The following RREB1 variants were observed in gnomAD, a reference collection of about 807,000 sequenced individuals.
The protein encoded by RREB1 is ras-responsive element-binding protein 1.
RREB1 carries 27 observed loss-of-function variants against 117.8 expected under a neutral mutation model. The observed-to-expected ratio is 0.23, with a 90% CI of 0.17 to 0.32. The LOEUF is 0.32. RREB1 is among the 10% of genes least tolerant of loss of function. The probability of loss-of-function intolerance (pLI) is 1.00; values close to 1 mark genes in which losing one functional copy is unlikely to be tolerated. For missense variants in RREB1, 2,577 were observed against 2,378.2 expected (o/e 1.08, Z -1.74); for synonymous variants, 1,298 against 1,026.7 (o/e 1.26, Z -5.05).
chr6:7,241,064 G>A (rs1378184757), intron 11 of RREB1, among the ~76,000 whole-genome samples: 2 of 152,158 alleles, frequency 1.3e-5, no homozygotes, highest in African/African-American at 4.8e-5. Flanking sequence ...GGAACGAGGG[G>A]TGCGGTGTTC....
intron 6 of RREB1, among the ~76,000 whole-genome samples, chr6:7,197,046 C>T (rs921931288): frequency 7.9e-5 from 12 of 152,150 alleles, no homozygotes; most frequent in Non-Finnish European, 1.8e-4. Flanking sequence ...AGCCAGAGCA[C>T]GCCTCTGGGA....
intron 1 of RREB1, among the ~76,000 whole-genome samples, chr6:7,120,813 A>ATTTTT (rs754044532): frequency 9.1e-6 from 1 of 109,658 alleles, no homozygotes; most frequent in South Asian, 2.9e-4. Context: ...CGCTTGGCTA[A>ATTTTT]TTTTTTTTTT....
At chr6:7,138,790 CT>C (rs1354356635) in intron 1 of RREB1, among the ~76,000 whole-genome samples, 7 of 152,294 alleles carry the variant, frequency 4.6e-5, no homozygotes, top group Middle Eastern at 3.4e-3. Flanking sequence ...TTAGATGACA[CT>C]TTTTTTGTTT....
chr6:7,122,564 C>T (rs1381651822), intron 1 of RREB1, among the ~76,000 whole-genome samples: 1 of 152,238 alleles, frequency 6.6e-6, no homozygotes, highest in Non-Finnish European at 1.5e-5. Context: ...CCGCGCCTGG[C>T]CCAGCCCTGT....
rs752392503 is a variant in RREB1 at position 7,246,553 on chromosome 6, A to C, written c.4103A>C (p.Gln1368Pro). 2 of 1,548,496 alleles carry C rather than the reference A, an allele frequency of 1.3e-6. No individual in the cohort carries two copies. The highest frequency in any genetic ancestry group is 1.4e-5 in the African/African-American group (1 of 73,346). Residue 1368 changes from glutamine (Q) to proline (P), a missense_variant, in exon 12 of 13, where the codon CAG becomes CCG. Coordinates refer to ENST00000379938, the MANE Select transcript of RREB1 (RefSeq NM_001003699.4). The stretch of plus-strand genomic sequence containing the variant: ...GTCGCAGGGGATGCGCCTGTGGAGC[A>C]GGCCACGGCGGAAACGGCCTCGCCG... Reference protein sequence around the residue: ...RQVAGDAPVEQATAETASPVH... With the variant: ...RQVAGDAPVEPATAETASPVH...
intron 7 of RREB1, 63 bp downstream of exon 7, chr6:7,211,011 T>C (rs1766555153): frequency 6.7e-7 from 1 of 1,503,704 alleles, no homozygotes; most frequent in Middle Eastern, 1.9e-4. Context: ...ATACCACTAA[T>C]CTTTATTTTC....
intron 1 of RREB1, among the ~76,000 whole-genome samples, chr6:7,110,439 A>C (rs1427565663): frequency 6.6e-6 from 1 of 152,042 alleles, no homozygotes; most frequent in Non-Finnish European, 1.5e-5. Context: ...GCTACTCTAC[A>C]AGTAATTTAT....
intron 1 of RREB1, among the ~76,000 whole-genome samples, chr6:7,128,963 C>T (rs190366358): frequency 5.9e-4 from 90 of 151,966 alleles, no homozygotes; most frequent in Non-Finnish European, 7.9e-4. Flanking sequence ...AGTGAGACTC[C>T]GTCTCAAAAA....
At chr6:7,133,612 G>A (rs915608725) in intron 1 of RREB1, among the ~76,000 whole-genome samples, 1 of 151,824 alleles carries the variant, frequency 6.6e-6, no homozygotes, top group Non-Finnish European at 1.5e-5. Context: ...ATAATAAGAA[G>A]GAATATGAAG....
At chr6:7,159,455 G>A (rs532602680) in intron 1 of RREB1, among the ~76,000 whole-genome samples, 4 of 152,162 alleles carry the variant, frequency 2.6e-5, no homozygotes, top group East Asian at 1.9e-4. Flanking sequence ...CTCCCCTCTC[G>A]TTCCTTTCCA....
chr6:7,113,639 T>C (rs989271254), intron 1 of RREB1, among the ~76,000 whole-genome samples: 1 of 152,202 alleles, frequency 6.6e-6, no homozygotes, highest in African/African-American at 2.4e-5. Context: ...CCTAGCCCTG[T>C]AGAACAGCTG....
chr6:7,177,080 G>T (rs577948439), intron 2 of RREB1, among the ~76,000 whole-genome samples: 1 of 151,894 alleles, frequency 6.6e-6, no homozygotes, highest in African/African-American at 2.4e-5. Flanking sequence ...TTAGCCAGGC[G>T]TGGTGGTGCG....
At chr6:7,165,940 A>T (rs535182020) in intron 1 of RREB1, among the ~76,000 whole-genome samples, 309 of 152,324 alleles carry the variant, frequency 2.0e-3, no homozygotes, top group Middle Eastern at 0.01. Flanking sequence ...ACCCACACTT[A>T]AGAGCCTGGG....
chr6:7,130,362 C>T (rs755547827), intron 1 of RREB1, among the ~76,000 whole-genome samples: 16 of 152,154 alleles, frequency 1.1e-4, no homozygotes, highest in Non-Finnish European at 2.2e-4. Flanking sequence ...CCAAGGCTGC[C>T]ATAATCCACG....
At chr6:7,163,163 C>T (rs1275129386) in intron 1 of RREB1, among the ~76,000 whole-genome samples, 1 of 152,156 alleles carries the variant, frequency 6.6e-6, no homozygotes, top group Non-Finnish European at 1.5e-5. Context: ...AGTTTAACTA[C>T]AAGGAATAAA....
At chr6:7,140,209 T>C (rs1031355981) in intron 1 of RREB1, among the ~76,000 whole-genome samples, 1 of 152,242 alleles carries the variant, frequency 6.6e-6, no homozygotes, top group South Asian at 2.1e-4. Flanking sequence ...CAGATGCTGA[T>C]TGGCAAGGCA....
At chr6:7,114,901 TTCCCAGTCACC>T (rs1399556637) in intron 1 of RREB1, among the ~76,000 whole-genome samples, 2 of 152,192 alleles carry the variant, frequency 1.3e-5, no homozygotes, top group Non-Finnish European at 2.9e-5. Flanking sequence ...TGGCTCAGCT[TTCCCAGTCACC>T]TCTTCAGTTA....
intron 1 of RREB1, among the ~76,000 whole-genome samples, chr6:7,134,044 G>T (rs1296253538): frequency 6.6e-6 from 1 of 152,144 alleles, no homozygotes; most frequent in East Asian, 1.9e-4. Flanking sequence ...GGGGGGCAGG[G>T]TCATAGGCTA....
chr6:7,174,064 A>G (rs780185146), intron 1 of RREB1, among the ~76,000 whole-genome samples: 1 of 151,784 alleles, frequency 6.6e-6, no homozygotes, highest in Non-Finnish European at 1.5e-5. Context: ...AAATCCAGAA[A>G]TTCAGCAGCC....
Sources: gnomAD v4.1 joint callset for allele counts (sites outside exome capture counted in the v4.1 genomes callset) on GRCh38, gnomAD v4.1.1 for gene constraint, MANE v1.5 for transcripts, NCBI Gene and HGNC (gene_info 2026-07-23, HGNC 2026-07-21) for gene names.